CIT: variants seen among roughly 807,000 people sequenced by gnomAD.
CIT encodes citron Rho-interacting kinase.
In CIT, 79 loss-of-function variants were observed where a neutral mutation model predicts 272.7. That is an observed-to-expected ratio of 0.29 (90% confidence interval 0.24 to 0.35). The LOEUF (loss-of-function observed/expected upper bound fraction) is 0.35. Among genes scored for constraint, CIT ranks in the 10% least tolerant of loss-of-function variants. CIT has a pLI of 1.00. For synonymous variants in CIT, 948 were observed against 995.6 expected, an observed-to-expected ratio of 0.95 and a Z score of 0.90; for missense variants, 1,909 against 2,618.3, an observed-to-expected ratio of 0.73 and a Z score of 5.91.
At position 119,771,168 on chromosome 12, in the gene CIT, T is replaced by C. The variant is rs117420441; in HGVS notation, c.2083-258A>G. Among the ~76,000 whole-genome samples, 66 of 152,156 alleles carry C rather than the reference T, an allele frequency of 4.3e-4. 2 individuals are homozygous for C. In the East Asian group the frequency reaches 0.012, roughly 28 times the overall value. On this transcript the variant is annotated intron_variant, in intron 17 of 47. Transcript: ENST00000392521. ...AGTGCCACCTAGGCATCACGGAAAA[T>C]ACAGAGGAAGATGGCATCATTCCTG...
intron 10 of CIT, among the ~76,000 whole-genome samples, chr12:119,799,921 C>T (rs75129442): frequency 0.03 from 4,573 of 150,810 alleles, 132 homozygotes; most frequent in East Asian, 0.13. Flanking sequence ...TCCCATGTGG[C>T]CCAAGGAAGC....
At chr12:119,755,064 T>C (rs1212411976) in intron 22 of CIT, among the ~76,000 whole-genome samples, 1 of 152,170 alleles carries the variant, frequency 6.6e-6, no homozygotes. Flanking sequence ...AGTTAAACCA[T>C]CGCCTAAGGC....
intron 28 of CIT, among the ~76,000 whole-genome samples, chr12:119,723,074 AT>A (rs1462650909): frequency 1.1e-4 from 10 of 95,080 alleles, no homozygotes; most frequent in South Asian, 3.3e-4. Context: ...AAAAACGAAA[AT>A]TTAAAAAAAA....
At chr12:119,714,835 T>C (rs1957361897) in intron 32 of CIT, among the ~76,000 whole-genome samples, 1 of 152,184 alleles carries the variant, frequency 6.6e-6, no homozygotes, top group Admixed American at 6.5e-5. Context: ...TGGCTATATA[T>C]CCAAGGGGAC....
chr12:119,730,411 T>C lies in CIT; in HGVS notation c.3486+84A>G, dbSNP rs1171477153. The C allele has an allele frequency of 8.4e-6, 12 of 1,431,862 alleles. No individual in the cohort carries two copies. The African/African-American group carries it at 1.3e-4, about 15-fold the overall frequency. The allele number at this position is 1,431,862 out of a possible 1,614,324, so 88.7% of individuals were successfully genotyped here. A position where few individuals can be genotyped will look rare whatever the true frequency, so the allele number is the denominator to read the frequency against. On this transcript the variant is annotated intron_variant, in intron 27 of 47. Transcript: ENST00000392521. ...GTTTATGAAATATGTTTGCCATGGATTGCATTTGAATTTTTATCAAGCGTG... is the reference window on the plus strand; with the variant it reads ...GTTTATGAAATATGTTTGCCATGGACTGCATTTGAATTTTTATCAAGCGTG...
At chr12:119,801,530 C>A (rs1966201374) in intron 10 of CIT, among the ~76,000 whole-genome samples, 1 of 152,144 alleles carries the variant, frequency 6.6e-6, no homozygotes, top group Non-Finnish European at 1.5e-5. Flanking sequence ...GATCACTGAC[C>A]AACACCCAAG....
rs377665249 is a variant in CIT at position 119,714,297 on chromosome 12, A to G, written c.4206T>C (p.Asn1402=). ...GTCCTACGTTGAATCGGTGAGGAATATTGTGGTGCATGCGTTCCTTAAGAC... is the reference window on the plus strand; with the variant it reads ...GTCCTACGTTGAATCGGTGAGGAATGTTGTGGTGCATGCGTTCCTTAAGAC... The part of the protein sequence containing the change: ...SRRLKERMHH[N]IPHRFNVGLN... The change falls in exon 33 of 48, where the codon AAT becomes AAC. Residue 1402 remains asparagine, a synonymous_variant. Transcript: ENST00000392521. The G allele has an allele frequency of 3.1e-6, 5 of 1,614,168 alleles. No homozygotes were observed. The highest frequency in any genetic ancestry group is 2.5e-6 in the Non-Finnish European group (3 of 1,180,036).
chr12:119,854,788 T>TA (rs1485089202), intron 4 of CIT, among the ~76,000 whole-genome samples: 1 of 151,334 alleles, frequency 6.6e-6, no homozygotes, highest in Non-Finnish European at 1.5e-5. Flanking sequence ...CCCTCTGCAC[T>TA]AAAAATACAA....
intron 4 of CIT, among the ~76,000 whole-genome samples, 194 bp from the exon 5 acceptor site, chr12:119,850,469 GGGAAAGGGAA>G (rs1051926315): frequency 2.0e-4 from 30 of 149,270 alleles, no homozygotes; most frequent in Middle Eastern, 3.5e-3. Context: ...GGAAGGGGAA[GGGAAAGGGAA>G]GGAAAGGGAA....
intron 3 of CIT, among the ~76,000 whole-genome samples, chr12:119,864,831 C>T (rs1455452526): frequency 1.3e-5 from 2 of 152,180 alleles, no homozygotes; most frequent in Non-Finnish European, 2.9e-5. Flanking sequence ...AATCCCTTCC[C>T]TGGTTCCCAG....
chr12:119,803,380 G>C lies in CIT; in HGVS notation c.1121C>G (p.Pro374Arg), dbSNP rs200052993. The C allele has an allele frequency of 6.8e-5, 106 of 1,566,938 alleles. No individual in the cohort carries two copies. In the Middle Eastern group the frequency reaches 1.4e-3, roughly 21 times the overall value. ...DWNNIRNSPP[P>R]FVPTLKSDDD... ...GTCAGACTTGAGGGTGGGAACGAAG[G>C]GGGGAGGAGCTGGTTAAAGAAAAAC... Residue 374 changes from proline to arginine, a missense_variant, in exon 10 of 48, where the codon CCC becomes CGC. Transcript: ENST00000392521.
intron 10 of CIT, among the ~76,000 whole-genome samples, chr12:119,797,147 G>A (rs1346205633): frequency 1.3e-5 from 2 of 152,220 alleles, no homozygotes; most frequent in African/African-American, 4.8e-5. Context: ...GCGCCATTTA[G>A]TCAATGACTG....
chr12:119,872,949 G>A (rs560782357), intron 2 of CIT, among the ~76,000 whole-genome samples: 5 of 150,538 alleles, frequency 3.3e-5, no homozygotes, highest in East Asian at 2.0e-4. Flanking sequence ...GGCACACACC[G>A]CCATGCCTGA....
At chr12:119,837,988 A>G (rs768977075) in intron 5 of CIT, among the ~76,000 whole-genome samples, 58 of 152,212 alleles carry the variant, frequency 3.8e-4, no homozygotes, top group Non-Finnish European at 6.5e-4. Context: ...ACTATTCTAG[A>G]TGTTAGGGAA....
chr12:119,688,661 G>A (rs1164337663), intron 47 of CIT, among the ~76,000 whole-genome samples: 2 of 152,246 alleles, frequency 1.3e-5, no homozygotes, highest in African/African-American at 4.8e-5. Context: ...TGCTTAGCCT[G>A]CTAAGGAGGC....
Position 119,768,013 on chromosome 12 carries a change from G to A in CIT, c.2209-831C>T, listed in dbSNP as rs1475270671. 6.6e-6 allele frequency among the ~76,000 whole-genome samples: 1 copy of A among 151,374 alleles called. No homozygotes were observed. Among genetic ancestry groups the A allele is most frequent in the Non-Finnish European group, 1.5e-5 (1 of 67,966 alleles). ...TGCAACTTTCACCTCCCAGGTTCAA[G>A]CAATTCTCATGTCTCAGTCTCCCAA... is the stretch of plus-strand genomic sequence containing the variant. On this transcript the variant is annotated intron_variant, in intron 18 of 47. Transcript: ENST00000392521. This position sits in a 1 kb window ranked among gnomAD's most constrained non-coding sequence, Gnocchi z 4.3.
chr12:119,733,916 G>A (rs1958613592), intron 26 of CIT, among the ~76,000 whole-genome samples: 1 of 152,084 alleles, frequency 6.6e-6, no homozygotes, highest in Non-Finnish European at 1.5e-5. Context: ...TGATGCCCAG[G>A]CCTCTGCATG....
intron 16 of CIT, among the ~76,000 whole-genome samples, chr12:119,773,440 CT>C (rs977211710): frequency 6.6e-6 from 1 of 150,908 alleles, no homozygotes; most frequent in African/African-American, 2.4e-5. Context: ...ACCTGTTTTG[CT>C]TTTTTTTTGA....
chr12:119,800,174 C>A (rs1366249141), intron 10 of CIT, among the ~76,000 whole-genome samples: 2 of 152,104 alleles, frequency 1.3e-5, no homozygotes, highest in Non-Finnish European at 2.9e-5. Context: ...GAGGAACAGC[C>A]AGGCATTCAG....
Sources: gnomAD v4.1 joint callset for allele counts (sites outside exome capture counted in the v4.1 genomes callset) on GRCh38, gnomAD v4.1.1 for gene constraint, Gnocchi (gnomAD v3.1) non-coding constraint, MANE v1.5 for transcripts, NCBI Gene and HGNC (gene_info 2026-07-23, HGNC 2026-07-21) for gene names.